The following CARD8 variants were observed in gnomAD, a reference collection of about 807,000 sequenced individuals.
CARD8 encodes caspase recruitment domain-containing protein 8.
A neutral mutation model predicts 53.2 loss-of-function variants in CARD8; 38 were observed. The observed-to-expected ratio is 0.71, with a 90% CI of 0.55 to 0.94. CARD8 has a LOEUF of 0.94. Ranked by LOEUF, CARD8 falls within the 40% of genes least tolerant of loss-of-function variation. CARD8 has a pLI of 0.00. For missense variants in CARD8, 561 were observed against 655.5 expected (o/e 0.86, Z 1.57); for synonymous variants, 245 against 244.9 (o/e 1.00, Z 0.00).
chr19:48,204,457 A>G (rs2015211), downstream of CARD8, among the ~76,000 whole-genome samples: 1 of 151,756 alleles, frequency 6.6e-6, no homozygotes, highest in South Asian at 2.1e-4. Flanking sequence ...GAAATCGACA[A>G]GTTACTAGAT....
rs917055969 is a variant in CARD8 at position 48,242,172 on chromosome 19, C to T, written c.-43-1109G>A. Among the ~76,000 whole-genome samples the T allele has an allele frequency of 3.9e-5, 6 of 152,092 alleles. No homozygotes were observed. The South Asian group carries it at 6.2e-4, about 16-fold the overall frequency. On this transcript the variant is annotated intron_variant, in intron 3 of 13. Transcript: ENST00000651546. Reference sequence around the variant, plus strand: ...TGATGATAGGAGGAGATGGGGCCTTCGGGAGGTGATGAGGTCATGAGGGTG... The same window carrying T: ...TGATGATAGGAGGAGATGGGGCCTTTGGGAGGTGATGAGGTCATGAGGGTG...
In CARD8 at chr19:48,224,291, C is replaced by G. The variant is rs112574508; in HGVS notation, c.1036-2436G>C. ...TAGCAGCCACATTTTTTAAAAACAG[C>G]AAAGAGAGGCAGATGAAATGGCTTT... On this transcript the variant is annotated intron_variant, in intron 10 of 13. Coordinates refer to ENST00000651546, the MANE Select transcript of CARD8 (RefSeq NM_001184900.3). 7.3e-3 allele frequency among the ~76,000 whole-genome samples: 1,110 copies of G among 152,130 alleles called. 10 individuals carry two copies. The highest frequency in any genetic ancestry group is 0.025 in the African/African-American group (1,056 of 41,506).
intron 1 of CARD8, 91 bp downstream of exon 1, chr19:48,255,701 C>T (rs1216566076): frequency 6.6e-6 from 1 of 152,146 alleles, no homozygotes; most frequent in Non-Finnish European, 1.5e-5. Context: ...TCCTTGCTGA[C>T]TAAGAGGAAC....
intron 1 of CARD8, among the ~76,000 whole-genome samples, chr19:48,252,808 TACACAC>T (rs71334279): frequency 2.0e-5 from 3 of 148,182 alleles, no homozygotes; most frequent in East Asian, 2.0e-4. Context: ...TATCAGTATA[TACACAC>T]ACACACACAC....
intron 10 of CARD8, among the ~76,000 whole-genome samples, chr19:48,229,819 A>G (rs1317862237): frequency 6.6e-6 from 1 of 152,154 alleles, no homozygotes; most frequent in African/African-American, 2.4e-5. Context: ...ATCCATTTAA[A>G]ATTTGGTGAG....
At position 48,214,769 on chromosome 19, in the gene CARD8, CTTT is replaced by C. The variant is rs531199248; in HGVS notation, c.1348+568_1348+570del. Among the ~76,000 whole-genome samples, 65 of 89,566 alleles carry C rather than the reference CTTT, an allele frequency of 7.3e-4. 11 individuals are homozygous for C. Among genetic ancestry groups the C allele is most frequent in the African/African-American group, 2.9e-3 (60 of 20,584 alleles). 58.8% of individuals were successfully genotyped at this position (89,566 alleles called of 152,430 possible). On this transcript the variant is annotated intron_variant, in intron 13 of 13. Transcript: ENST00000651546. ...CCTTCCTTTCATTCCTGCTATAAAG[CTTT>C]TTTTTTTTTTTTTTTTTTTTTTTTT... is the stretch of plus-strand genomic sequence containing the variant.
intron 10 of CARD8, 54 bp from the exon 11 acceptor site, chr19:48,221,909 A>AG (rs1162352745): frequency 6.7e-7 from 1 of 1,494,518 alleles, no homozygotes. Context: ...TAAAGCAAGT[A>AG]GTGGCATAAA....
At chr19:48,205,443 T>C (rs370299960), downstream of CARD8, among the ~76,000 whole-genome samples, 5 of 152,288 alleles carry the variant, frequency 3.3e-5, no homozygotes, top group East Asian at 9.6e-4. Context: ...TTGGCCAGGC[T>C]GGTCTTGAAC....
At chr19:48,253,273 C>T (rs1385628578) in intron 1 of CARD8, among the ~76,000 whole-genome samples, 7 of 152,040 alleles carry the variant, frequency 4.6e-5, no homozygotes, top group East Asian at 1.9e-4. Flanking sequence ...TTTGTAGAGA[C>T]GGGGTTTCAC....
intron 11 of CARD8, among the ~76,000 whole-genome samples, chr19:48,220,329 C>T (rs1372610875): frequency 6.6e-6 from 1 of 152,106 alleles, no homozygotes; most frequent in Non-Finnish European, 1.5e-5. Context: ...CTGGAAAAAT[C>T]ATTTTTCCTA....
chr19:48,206,950 C>T (rs183110175), downstream of CARD8, among the ~76,000 whole-genome samples: 133 of 152,098 alleles, frequency 8.7e-4, no homozygotes, highest in African/African-American at 3.0e-3. Flanking sequence ...TATCTCTTAG[C>T]GATTGCTCTC....
rs561980406 is a variant in CARD8 at position 48,215,940 on chromosome 19, C to G, written c.1304-556G>C. ...CAGATGAATTTTGCAACATGCCCCC[C>G]CCACCCCACCTTTGGCAGCAGCTCA... On this transcript the variant is annotated intron_variant, in intron 12 of 13. Transcript: ENST00000651546. 1.2e-4 allele frequency among the ~76,000 whole-genome samples: 18 copies of G among 152,110 alleles called. 1 individual carries two copies. Among genetic ancestry groups the G allele is most frequent in the East Asian group, 9.7e-4 (5 of 5,174 alleles).
intron 10 of CARD8, among the ~76,000 whole-genome samples, chr19:48,225,669 G>T (rs1467608653): frequency 1.3e-5 from 2 of 152,240 alleles, no homozygotes; most frequent in East Asian, 3.9e-4. Context: ...GTATTTGAGG[G>T]ATGAAAATTC....
At chr19:48,255,136 G>A (rs563692855) in intron 1 of CARD8, among the ~76,000 whole-genome samples, 209 of 152,324 alleles carry the variant, frequency 1.4e-3, no homozygotes, top group African/African-American at 4.6e-3. Context: ...GGGAGGCCAA[G>A]GCGGGCTGAT....
At chr19:48,204,939 A>C (rs1017567483), downstream of CARD8, among the ~76,000 whole-genome samples, 1 of 152,204 alleles carries the variant, frequency 6.6e-6, no homozygotes, top group African/African-American at 2.4e-5. Flanking sequence ...CGGAAAATGC[A>C]TAATATTGTA....
chr19:48,254,371 A>G (rs995940756), intron 1 of CARD8, among the ~76,000 whole-genome samples: 4 of 152,258 alleles, frequency 2.6e-5, no homozygotes, highest in African/African-American at 9.6e-5. Flanking sequence ...TCCATCATTG[A>G]AAGTTCATTA....
chr19:48,207,743 T>TG (rs781277588), downstream of CARD8, among the ~76,000 whole-genome samples: 8 of 63,752 alleles, frequency 1.3e-4, no homozygotes, highest in African/African-American at 3.7e-4. Flanking sequence ...TGTTTTTTTT[T>TG]TTTTTTTTTT....
intron 3 of CARD8, among the ~76,000 whole-genome samples, chr19:48,241,479 C>T (rs751345512): frequency 5.3e-5 from 8 of 152,186 alleles, no homozygotes; most frequent in Admixed American, 3.3e-4. Context: ...TGGTCTCAAA[C>T]TCCCAACCTC....
rs2037590158 is a variant in CARD8 at position 48,208,878 on chromosome 19, G to A, written c.*2832C>T. 6.7e-6 allele frequency: 1 copy of A among 150,064 alleles called. No homozygotes were observed. The highest frequency in any genetic ancestry group is 2.1e-4 in the South Asian group (1 of 4,756). 9.3% of individuals were successfully genotyped at this position (150,064 alleles called of 1,614,324 possible). On this transcript the variant is annotated 3_prime_UTR_variant, in exon 14 of 14. Coordinates refer to ENST00000651546, the MANE Select transcript of CARD8 (RefSeq NM_001184900.3). ...ATGCACCTGTAGTCCTAGCTACTCA[G>A]GAGGCTGAGGCAAGAGAATCGCTTG...
Sources: gnomAD v4.1 joint callset for allele counts (sites outside exome capture counted in the v4.1 genomes callset) on GRCh38, gnomAD v4.1.1 for gene constraint, MANE v1.5 for transcripts, NCBI Gene and HGNC (gene_info 2026-07-23, HGNC 2026-07-21) for gene names.